FIBCD1: variants seen among roughly 807,000 people sequenced by gnomAD.
FIBCD1 encodes fibrinogen C domain containing 1.
A neutral mutation model predicts 45.1 loss-of-function variants in FIBCD1; 47 were observed. The ratio of observed to expected loss-of-function variants is 1.04; its 90% CI spans 0.82 to 1.33. FIBCD1 has a LOEUF of 1.33. Among genes scored for constraint, FIBCD1 ranks in the 40% most tolerant of loss-of-function variants. FIBCD1 has a pLI of 0.00. For synonymous variants in FIBCD1, 313 were observed against 308.1 expected (o/e 1.02, Z -0.17); for missense variants, 653 against 682.2 (o/e 0.96, Z 0.48).
chr9:130,903,698 T>G lies in FIBCD1; in HGVS notation c.*366A>C, dbSNP rs1035666641. On this transcript the variant is annotated 3_prime_UTR_variant, in exon 7 of 7. Coordinates refer to ENST00000372338, the MANE Select transcript of FIBCD1 (RefSeq NM_032843.5). ...TGCCCCCTGCTCTCTGTCCCCATAA[T>G]GCCGGGTATTTGGCCGGGCAGGGCA... 1.3e-5 allele frequency: 5 copies of G among 397,176 alleles called. No homozygotes were observed. Among genetic ancestry groups the G allele is most frequent in the Non-Finnish European group, 2.4e-5 (5 of 208,232 alleles). The allele number at this position is 397,176 out of a possible 1,614,324, so 24.6% of individuals were successfully genotyped here.
At chr9:130,906,633 C>T (rs1831933096) in intron 5 of FIBCD1, among the ~76,000 whole-genome samples, 1 of 152,224 alleles carries the variant, frequency 6.6e-6, no homozygotes, top group South Asian at 2.1e-4. Flanking sequence ...TCAGGGCAGC[C>T]GCTCTCCCTC....
At chr9:130,918,575 G>C (rs571783911) in intron 4 of FIBCD1, among the ~76,000 whole-genome samples, 8 of 152,368 alleles carry the variant, frequency 5.3e-5, no homozygotes, top group South Asian at 2.1e-4. Context: ...TTCTGGGAGG[G>C]GGGCAGAGGG....
At chr9:130,912,214 G>A (rs79995098) in intron 4 of FIBCD1, among the ~76,000 whole-genome samples, 202 of 151,670 alleles carry the variant, frequency 1.3e-3, no homozygotes, top group African/African-American at 4.7e-3. Flanking sequence ...CCAGGAGTTC[G>A]AGACAACATA....
chr9:130,921,694 C>T (rs1832264034), intron 4 of FIBCD1, among the ~76,000 whole-genome samples: 1 of 152,264 alleles, frequency 6.6e-6, no homozygotes, highest in South Asian at 2.1e-4. Context: ...TAAGCCTGTC[C>T]TGACCCTGAA....
rs1485540418 is a variant in FIBCD1 at position 130,903,983 on chromosome 9, G to A, written c.*81C>T. ...GTGGGTCCGCCAGGCACAGGTGGGTGGAGAACATTCACGAAAGAGTGAGGT... is the reference window on the plus strand; with the variant it reads ...GTGGGTCCGCCAGGCACAGGTGGGTAGAGAACATTCACGAAAGAGTGAGGT... On this transcript the variant is annotated 3_prime_UTR_variant, in exon 7 of 7. Transcript: ENST00000372338. The A allele has an allele frequency of 5.2e-6, 8 of 1,540,980 alleles. No individual in the cohort carries two copies. Among genetic ancestry groups the A allele is most frequent in the Non-Finnish European group, 7.0e-6 (8 of 1,135,066 alleles).
rs891727137 is a variant in FIBCD1 at position 130,922,732 on chromosome 9, G to A, written c.849+1012C>T. Among the ~76,000 whole-genome samples, 1 of 151,952 alleles carries A rather than the reference G, an allele frequency of 6.6e-6. No individual in the cohort carries two copies. Among genetic ancestry groups the A allele is most frequent in the Admixed American group, 6.6e-5 (1 of 15,248 alleles). ...CTCTTCAACACCCCCAGTAGCTCCC[G>A]ACTGTGTGTCCCAACCCTGCAGCCT... On this transcript the variant is annotated intron_variant, in intron 4 of 6. Transcript: ENST00000372338. The surrounding 1 kb of genome is among the most constrained non-coding windows in gnomAD (Gnocchi z 4.5).
At position 130,923,847 on chromosome 9, in the gene FIBCD1, A is replaced by G. The variant is rs965895477; in HGVS notation, c.746T>C (p.Leu249Pro). ...SRPRDCLDVL[L>P]SGQQDDGVYS... ...GACGCCATCGTCCTGCTGTCCGCTT[A>G]GGAGGACGTCCAGACAGTCTCGGGG... The change falls in exon 4 of 7, where the codon CTA becomes CCA. Residue 249 changes from leucine to proline, a missense_variant. Physicochemically the swap from Leu to Pro is moderately conservative, Grantham distance 98. Transcript: ENST00000372338. 1 of 1,612,804 alleles carries G rather than the reference A, an allele frequency of 6.2e-7. No homozygotes were observed. Among genetic ancestry groups the G allele is most frequent in the Non-Finnish European group, 8.5e-7 (1 of 1,179,946 alleles).
chr9:130,933,727 T>TGGGGGGGGGGGGGGGGGGGGG (rs1179362614), intron 1 of FIBCD1: 90 of 50,906 alleles, frequency 1.8e-3, no homozygotes, highest in African/African-American at 2.9e-3. Context: ...GGCGGGCGGG[T>TGGGGGGGGGGGGGGGGGGGGG]GGGGGGGGGG....
In FIBCD1 at chr9:130,924,263, C is replaced by A. The variant is rs1025147623; in HGVS notation, c.686G>T (p.Gly229Val). Residue 229 changes from glycine to valine, a missense_variant, in exon 3 of 7, where the codon GGA becomes GTA. By Grantham distance (109) the Gly-to-Val change is moderately radical. Transcript: ENST00000372338. ...KADLQRAPAR[G>V]TRPRGCATGS... Reference sequence around the variant, plus strand: ...AGTGGCACAGCCCCGGGGCCGGGTTCCCCGGGCAGGCGCTCTCTGAAGGTC... The same window carrying A: ...AGTGGCACAGCCCCGGGGCCGGGTTACCCGGGCAGGCGCTCTCTGAAGGTC... 2 of 1,599,222 alleles carry A rather than the reference C, an allele frequency of 1.3e-6. No individual in the cohort carries two copies. The highest frequency in any genetic ancestry group is 3.4e-5 in the Admixed American group (2 of 58,424).
chr9:130,914,429 G>A (rs1279785852), intron 4 of FIBCD1, among the ~76,000 whole-genome samples: 3 of 152,232 alleles, frequency 2.0e-5, no homozygotes, highest in South Asian at 2.1e-4. Flanking sequence ...TTGGAGGTTG[G>A]GGAGAGAACA....
At chr9:130,910,594 G>T (rs1337948654) in intron 5 of FIBCD1, among the ~76,000 whole-genome samples, 1 of 152,266 alleles carries the variant, frequency 6.6e-6, no homozygotes, top group Non-Finnish European at 1.5e-5. Context: ...CCTGAGTCTG[G>T]TGGGGAGGTG....
intron 4 of FIBCD1, among the ~76,000 whole-genome samples, chr9:130,915,764 A>G (rs1007334162): frequency 6.6e-6 from 1 of 152,226 alleles, no homozygotes; most frequent in African/African-American, 2.4e-5. Flanking sequence ...TAACGTGTGC[A>G]GTGACGGATT....
At chr9:130,925,832 CA>C (rs1832349023) in intron 2 of FIBCD1, among the ~76,000 whole-genome samples, 2 of 152,216 alleles carry the variant, frequency 1.3e-5, no homozygotes, top group Admixed American at 1.3e-4. Context: ...GGTCTTTATA[CA>C]CCTAACATGT....
intron 4 of FIBCD1, among the ~76,000 whole-genome samples, chr9:130,919,378 C>T (rs572783408): frequency 3.1e-4 from 47 of 152,338 alleles, no homozygotes; most frequent in Non-Finnish European, 4.1e-4. Flanking sequence ...AGCAGATCCC[C>T]TGCCACCACT....
chr9:130,923,692 C>A, intron 4 of FIBCD1, 52 bp downstream of exon 4: 1 of 1,596,004 alleles, frequency 6.3e-7, no homozygotes, highest in Non-Finnish European at 8.5e-7. Flanking sequence ...AGGTACACAG[C>A]CTCACGGTCC....
Position 130,922,214 on chromosome 9 carries a change from G to A in FIBCD1, c.849+1530C>T, listed in dbSNP as rs1339026286. Among the ~76,000 whole-genome samples, 2 of 152,222 alleles carry A rather than the reference G, an allele frequency of 1.3e-5. No individual in the cohort carries two copies. Among genetic ancestry groups the A allele is most frequent in the Non-Finnish European group, 1.5e-5 (1 of 68,036 alleles). On this transcript the variant is annotated intron_variant, in intron 4 of 6. Transcript: ENST00000372338. The surrounding 1 kb of genome is among the most constrained non-coding windows in gnomAD (Gnocchi z 4.5). ...AATAGTCAGCACCAAGATCCCAGGCGAGATGCGTCCCGCACTCAGTGGCAG... is the reference window on the plus strand; with the variant it reads ...AATAGTCAGCACCAAGATCCCAGGCAAGATGCGTCCCGCACTCAGTGGCAG...
At chr9:130,914,983 G>C (rs1415783016) in intron 4 of FIBCD1, among the ~76,000 whole-genome samples, 1 of 152,262 alleles carries the variant, frequency 6.6e-6, no homozygotes, top group African/African-American at 2.4e-5. Context: ...CCAGCGGCCA[G>C]GCGGCCGTGA....
At chr9:130,913,772 C>A (rs574075247) in intron 4 of FIBCD1, among the ~76,000 whole-genome samples, 2 of 152,148 alleles carry the variant, frequency 1.3e-5, no homozygotes, top group East Asian at 3.8e-4. Flanking sequence ...GAGAAGGCAG[C>A]GGGCAGTAGG....
chr9:130,939,908 G>T (rs1306403628), upstream of FIBCD1, among the ~76,000 whole-genome samples: 2 of 151,952 alleles, frequency 1.3e-5, no homozygotes, highest in Non-Finnish European at 2.9e-5. Context: ...CCGACGCCGC[G>T]CTCCCCTCCC....
Sources: allele counts gnomAD v4.1 joint callset (sites outside exome capture counted in the v4.1 genomes callset), GRCh38; gene constraint gnomAD v4.1.1; non-coding constraint Gnocchi (gnomAD v3.1); transcripts MANE v1.5; gene names NCBI Gene and HGNC (gene_info 2026-07-23, HGNC 2026-07-21).